The following GRIN2A variants were observed in gnomAD, a reference collection of about 807,000 sequenced individuals.
GRIN2A encodes glutamate receptor ionotropic, NMDA 2A.
In GRIN2A, 22 loss-of-function variants were observed where a neutral mutation model predicts 113.4. The observed-to-expected ratio is 0.19, with a 90% confidence interval of 0.14 to 0.28. GRIN2A has a LOEUF of 0.28. GRIN2A is among the 10% of genes least tolerant of loss of function. The pLI is 1.00. For synonymous variants in GRIN2A, 827 were observed against 738.4 expected, an observed-to-expected ratio of 1.12 and a Z score of -1.94; for missense variants, 1,502 against 1,887.0, an observed-to-expected ratio of 0.80 and a Z score of 3.78.
intron 2 of GRIN2A, among the ~76,000 whole-genome samples, chr16:10,022,073 C>T (rs554698793): frequency 1.1e-3 from 155 of 146,432 alleles, no homozygotes; most frequent in Middle Eastern, 8.6e-3. Flanking sequence ...AATCTCTTCC[C>T]TCTGTCTAGA....
intron 3 of GRIN2A, among the ~76,000 whole-genome samples, chr16:9,921,241 A>G (rs1002161649): frequency 6.6e-6 from 1 of 152,362 alleles, no homozygotes; most frequent in South Asian, 2.1e-4. Context: ...TTTGTAGTTT[A>G]TAAAATTAAT....
At position 9,797,476 on chromosome 16, in the gene GRIN2A, C is replaced by T. The variant is rs11859642; in HGVS notation, c.2356+801G>A. Among the ~76,000 whole-genome samples the T allele has an allele frequency of 3.9e-3, 601 of 152,314 alleles. 3 individuals are homozygous for T. Among genetic ancestry groups the T allele is most frequent in the African/African-American group, 0.014 (569 of 41,582 alleles). On this transcript the variant is annotated intron_variant, in intron 11 of 12. Coordinates refer to ENST00000330684, the MANE Select transcript of GRIN2A (RefSeq NM_001134407.3). ...ACAGGAGGAAATGCTTCTGGTGACA[C>T]AGCTGGCCCAAGCGGCTTTACAGTT...
intron 4 of GRIN2A, among the ~76,000 whole-genome samples, chr16:9,851,064 C>T (rs2042874801): frequency 6.6e-6 from 1 of 152,178 alleles, no homozygotes; most frequent in African/African-American, 2.4e-5. Context: ...GACCCACTCA[C>T]CTCTCCTCCT....
intron 2 of GRIN2A, among the ~76,000 whole-genome samples, chr16:10,137,490 C>T (rs1384993121): frequency 6.6e-6 from 1 of 152,182 alleles, no homozygotes; most frequent in Non-Finnish European, 1.5e-5. Context: ...CCTTCCTGCA[C>T]ACTATGGACA....
intron 4 of GRIN2A, among the ~76,000 whole-genome samples, chr16:9,872,149 T>C (rs1348848916): frequency 1.3e-5 from 2 of 151,946 alleles, no homozygotes; most frequent in Non-Finnish European, 1.5e-5. Flanking sequence ...CCCCAAGGGG[T>C]GGGTATTATC....
At chr16:9,942,008 T>G (rs983662805) in intron 2 of GRIN2A, among the ~76,000 whole-genome samples, 1 of 152,144 alleles carries the variant, frequency 6.6e-6, no homozygotes, top group Non-Finnish European at 1.5e-5. Flanking sequence ...GCTTCCTCAT[T>G]AAGTTGTAGG....
intron 7 of GRIN2A, among the ~76,000 whole-genome samples, chr16:9,837,339 G>A (rs917136363): frequency 6.6e-6 from 1 of 152,192 alleles, no homozygotes; most frequent in African/African-American, 2.4e-5. Flanking sequence ...CAGGAAAAGT[G>A]TGGGGAAAGA....
chr16:10,006,379 G>C (rs1255030912), intron 2 of GRIN2A, among the ~76,000 whole-genome samples: 1 of 152,172 alleles, frequency 6.6e-6, no homozygotes, highest in Non-Finnish European at 1.5e-5. Context: ...TGGGCCATGA[G>C]ATAGAGAGTG....
chr16:10,042,898 G>A (rs902468994), intron 2 of GRIN2A, among the ~76,000 whole-genome samples: 1 of 152,160 alleles, frequency 6.6e-6, no homozygotes, highest in Admixed American at 6.5e-5. Flanking sequence ...CAACACTAAG[G>A]ATGGTAGAAC....
chr16:9,828,308 G>T (rs1009268202), intron 9 of GRIN2A, among the ~76,000 whole-genome samples: 3 of 152,148 alleles, frequency 2.0e-5, no homozygotes, highest in African/African-American at 7.2e-5. Flanking sequence ...ATCAGAGAGA[G>T]GTGAGGCACT....
chr16:10,061,804 A>G (rs1258502542), intron 2 of GRIN2A, among the ~76,000 whole-genome samples: 1 of 152,214 alleles, frequency 6.6e-6, no homozygotes, highest in East Asian at 1.9e-4. Flanking sequence ...CATATCAATC[A>G]AAAGTGAAGA....
intron 3 of GRIN2A, among the ~76,000 whole-genome samples, chr16:9,924,834 T>C (rs1477198253): frequency 6.6e-6 from 1 of 152,192 alleles, no homozygotes; most frequent in East Asian, 1.9e-4. Context: ...ATCTCATGCA[T>C]TGTAGATTTT....
chr16:10,021,915 G>T (rs375594401), intron 2 of GRIN2A, among the ~76,000 whole-genome samples: 14 of 152,088 alleles, frequency 9.2e-5, no homozygotes, highest in African/African-American at 2.7e-4. Flanking sequence ...GGATCATCAT[G>T]CTGTGTTACC....
At chr16:9,782,771 G>A (rs1902008624) in intron 11 of GRIN2A, among the ~76,000 whole-genome samples, 1 of 152,166 alleles carries the variant, frequency 6.6e-6, no homozygotes. Flanking sequence ...ATCCCCTGGA[G>A]TTTTACCACT....
At chr16:9,768,479 A>G (rs552805624) in intron 12 of GRIN2A, among the ~76,000 whole-genome samples, 1 of 152,358 alleles carries the variant, frequency 6.6e-6, no homozygotes, top group East Asian at 1.9e-4. Flanking sequence ...TTCCCATAAG[A>G]CAATACTCAG....
intron 9 of GRIN2A, among the ~76,000 whole-genome samples, chr16:9,828,361 C>T (rs1005779951): frequency 2.0e-5 from 3 of 152,214 alleles, no homozygotes; most frequent in Non-Finnish European, 4.4e-5. Context: ...ACCCCAACCC[C>T]TCATCAGCTC....
chr16:10,179,954 G>A (rs2050225788), intron 2 of GRIN2A, 44 bp downstream of exon 2: 3 of 1,568,204 alleles, frequency 1.9e-6, no homozygotes, highest in African/African-American at 2.7e-5. Context: ...CCATGCAGCT[G>A]GTGGCTTCCC....
chr16:10,050,632 G>A (rs1464228030), intron 2 of GRIN2A, among the ~76,000 whole-genome samples: 1 of 151,902 alleles, frequency 6.6e-6, no homozygotes, highest in Non-Finnish European at 1.5e-5. Flanking sequence ...ACATTATGAT[G>A]AGTTGTATCA....
intron 2 of GRIN2A, among the ~76,000 whole-genome samples, chr16:9,966,606 T>C (rs1265225239): frequency 1.3e-5 from 2 of 152,198 alleles, no homozygotes; most frequent in Middle Eastern, 3.2e-3. Flanking sequence ...GTCCTTATAA[T>C]AGAACGATCT....
Sources: gnomAD v4.1 joint callset for allele counts (sites outside exome capture counted in the v4.1 genomes callset) on GRCh38, gnomAD v4.1.1 for gene constraint, MANE v1.5 for transcripts, NCBI Gene and HGNC (gene_info 2026-07-23, HGNC 2026-07-21) for gene names.